ADAMTSL1: variants seen among roughly 807,000 people sequenced by gnomAD.
ADAMTSL1 encodes ADAMTS-like protein 1.
Under a neutral mutation model 201.8 loss-of-function variants are expected in ADAMTSL1, and 126 were observed. The ratio of observed to expected loss-of-function variants is 0.62; its 90% CI spans 0.54 to 0.72. ADAMTSL1 has a LOEUF of 0.72. Among genes scored for constraint, ADAMTSL1 ranks in the 30% least tolerant of loss-of-function variants. ADAMTSL1 has a pLI of 0.00. For synonymous variants in ADAMTSL1, 1,121 were observed against 903.4 expected (o/e 1.24, Z -4.32); for missense variants, 2,679 against 2,277.8 (o/e 1.18, Z -3.59).
At chr9:18,790,738 G>A (rs903006796) in intron 19 of ADAMTSL1, among the ~76,000 whole-genome samples, 2 of 152,056 alleles carry the variant, frequency 1.3e-5, no homozygotes, top group African/African-American at 4.8e-5. Flanking sequence ...TACAAATAAA[G>A]GCCCCCAGAA....
At chr9:18,233,055 G>A (rs1013480987) in intron 2 of ADAMTSL1, among the ~76,000 whole-genome samples, 1 of 152,130 alleles carries the variant, frequency 6.6e-6, no homozygotes, top group Non-Finnish European at 1.5e-5. Context: ...AACTCTGCGA[G>A]GTTCCTCAAG....
intron 2 of ADAMTSL1, among the ~76,000 whole-genome samples, chr9:18,175,830 A>T (rs2132146960): frequency 6.6e-6 from 1 of 151,892 alleles, no homozygotes; most frequent in African/African-American, 2.4e-5. Context: ...TGCCTGGAAG[A>T]CTCTACACAG....
chr9:18,102,770 G>A (rs745597903), intron 1 of ADAMTSL1, among the ~76,000 whole-genome samples: 7 of 152,312 alleles, frequency 4.6e-5, no homozygotes, highest in East Asian at 1.9e-4. Context: ...AGCTTATAGC[G>A]ATGATCAAGG....
At chr9:18,726,823 G>C (rs567277660) in intron 15 of ADAMTSL1, among the ~76,000 whole-genome samples, 1 of 152,272 alleles carries the variant, frequency 6.6e-6, no homozygotes, top group Non-Finnish European at 1.5e-5. Context: ...CAGCTGAGTG[G>C]TACAGAATAG....
intron 13 of ADAMTSL1, among the ~76,000 whole-genome samples, chr9:18,705,256 C>T (rs111500348): frequency 1.4e-4 from 21 of 152,266 alleles, no homozygotes; most frequent in African/African-American, 4.6e-4. Flanking sequence ...GTTTGCATGC[C>T]TCTGCAGCAC....
intron 26 of ADAMTSL1, among the ~76,000 whole-genome samples, chr9:18,905,219 G>C (rs771657840): frequency 4.6e-5 from 7 of 152,184 alleles, no homozygotes; most frequent in Non-Finnish European, 8.8e-5. Context: ...CAGGCTCCAT[G>C]AACTCTGGGG....
At chr9:18,867,052 T>C (rs1426112862) in intron 23 of ADAMTSL1, among the ~76,000 whole-genome samples, 2 of 152,186 alleles carry the variant, frequency 1.3e-5, no homozygotes, top group African/African-American at 4.8e-5. Context: ...CTCCACACTT[T>C]CTTGCAAGGA....
intron 3 of ADAMTSL1, among the ~76,000 whole-genome samples, chr9:18,548,502 AG>A (rs1432284072): frequency 6.6e-6 from 1 of 152,092 alleles, no homozygotes; most frequent in Non-Finnish European, 1.5e-5. Flanking sequence ...GTTGGATGTG[AG>A]TTTCATGTTA....
At chr9:18,091,250 C>A (rs1430911443) in intron 1 of ADAMTSL1, among the ~76,000 whole-genome samples, 2 of 151,822 alleles carry the variant, frequency 1.3e-5, no homozygotes, top group Admixed American at 1.3e-4. Context: ...ATGGTGTCTT[C>A]TTTTTGATTA....
At chr9:18,843,866 G>A (rs1159876233) in intron 23 of ADAMTSL1, among the ~76,000 whole-genome samples, 1 of 151,464 alleles carries the variant, frequency 6.6e-6, no homozygotes, top group African/African-American at 2.5e-5. Flanking sequence ...TAGTTCTTGA[G>A]CCTTGGCTTT....
intron 2 of ADAMTSL1, among the ~76,000 whole-genome samples, chr9:18,399,403 G>C (rs1802523738): frequency 6.7e-6 from 1 of 148,478 alleles, no homozygotes; most frequent in Admixed American, 6.8e-5. Flanking sequence ...GCAGTAGCAT[G>C]ATCTCGGCTC....
chr9:17,916,160 G>C (rs1255661951), intron 1 of ADAMTSL1, among the ~76,000 whole-genome samples: 1 of 152,160 alleles, frequency 6.6e-6, no homozygotes, highest in Admixed American at 6.5e-5. Flanking sequence ...GCCTCAAGTG[G>C]TCTGCTCACT....
chr9:18,442,036 T>G (rs1442068802), intron 2 of ADAMTSL1, among the ~76,000 whole-genome samples: 1 of 152,246 alleles, frequency 6.6e-6, no homozygotes, highest in Non-Finnish European at 1.5e-5. Context: ...CAATTGTGAA[T>G]AAAGTTTTGG....
At chr9:18,861,794 C>T (rs1013282434) in intron 23 of ADAMTSL1, among the ~76,000 whole-genome samples, 3 of 152,132 alleles carry the variant, frequency 2.0e-5, no homozygotes, top group African/African-American at 4.8e-5. Context: ...ATCCCAGGAG[C>T]GAGCCAGCCA....
chr9:18,040,309 T>C (rs1459396038), intron 1 of ADAMTSL1, among the ~76,000 whole-genome samples: 1 of 152,176 alleles, frequency 6.6e-6, no homozygotes, highest in Non-Finnish European at 1.5e-5. Flanking sequence ...TGGTCTCTGA[T>C]AAAATAAAGC....
intron 1 of ADAMTSL1, among the ~76,000 whole-genome samples, chr9:17,925,887 C>T (rs1826506873): frequency 6.6e-6 from 1 of 151,674 alleles, no homozygotes; most frequent in Admixed American, 6.6e-5. Context: ...CCAAAGCATC[C>T]AGCAACCTGA....
chr9:18,315,589 C>T (rs760519569), intron 2 of ADAMTSL1, among the ~76,000 whole-genome samples: 1 of 152,170 alleles, frequency 6.6e-6, no homozygotes, highest in African/African-American at 2.4e-5. Context: ...GGCCCAGGTG[C>T]TAAGTCCCTC....
rs1354667192 is a variant in ADAMTSL1, at chr9:17,986,153, T to G, written c.87+79231T>G. On this transcript the variant is annotated intron_variant, in intron 1 of 29. Coordinates refer to the ADAMTSL1 transcript ENST00000680146. ...ATATTGCTTGGAGGCTCTGAGTTCATAAGTACAGAATGGTTTCCAAGGGGT... is the reference window on the plus strand; with the variant it reads ...ATATTGCTTGGAGGCTCTGAGTTCAGAAGTACAGAATGGTTTCCAAGGGGT... Among the ~76,000 whole-genome samples the G allele has an allele frequency of 2.0e-5, 3 of 152,098 alleles. No individual in the cohort carries two copies. The East Asian group carries it at 5.8e-4, about 29-fold the overall frequency.
At chr9:18,654,659 C>T (rs1828509823) in intron 7 of ADAMTSL1, among the ~76,000 whole-genome samples, 1 of 152,014 alleles carries the variant, frequency 6.6e-6, no homozygotes, top group African/African-American at 2.4e-5. Flanking sequence ...CATATCTTTT[C>T]AAGCCCAAAC....
Sources: allele counts gnomAD v4.1 joint callset (sites outside exome capture counted in the v4.1 genomes callset), GRCh38; gene constraint gnomAD v4.1.1; transcripts MANE v1.5; gene names NCBI Gene and HGNC (gene_info 2026-07-23, HGNC 2026-07-21).